The following ACOX3 variants were observed in gnomAD, a reference collection of about 807,000 sequenced individuals.
The protein encoded by ACOX3 is peroxisomal acyl-coenzyme A oxidase 3.
In ACOX3, 73 loss-of-function variants were observed where a neutral mutation model predicts 81.5. The ratio of observed to expected loss-of-function variants is 0.90; its 90% CI spans 0.74 to 1.09. The LOEUF (loss-of-function observed/expected upper bound fraction) is 1.09. Ranked by LOEUF, ACOX3 falls within the 50% of genes least tolerant of loss-of-function variation. The probability of loss-of-function intolerance (pLI) is 0.00; values close to 1 mark genes in which losing one functional copy is unlikely to be tolerated. For synonymous variants in ACOX3, 387 were observed against 375.1 expected (o/e 1.03, Z -0.37); for missense variants, 947 against 928.0 (o/e 1.02, Z -0.27).
Position 8,368,753 on chromosome 4 carries a change from A to G in ACOX3, c.1984-1673T>C, listed in dbSNP as rs1205218359. 6.8e-6 allele frequency among the ~76,000 whole-genome samples: 1 copy of G among 147,318 alleles called. No homozygotes were observed. Among genetic ancestry groups the G allele is most frequent in the African/African-American group, 2.5e-5 (1 of 39,620 alleles). On this transcript the variant is annotated intron_variant, in intron 17 of 17. Coordinates refer to ENST00000356406, the MANE Select transcript of ACOX3 (RefSeq NM_003501.3). The surrounding 1 kb of genome is among the most constrained non-coding windows in gnomAD (Gnocchi z 5.9). Reference sequence around the variant, plus strand: ...CACTTTTTTTTTTTTTTTTGAGATGAGGTCTCACCCTGTTGGCCAGGCTGG... The same window carrying G: ...CACTTTTTTTTTTTTTTTTGAGATGGGGTCTCACCCTGTTGGCCAGGCTGG...
chr4:8,378,502 GGAC>G (rs1019790855), intron 14 of ACOX3, among the ~76,000 whole-genome samples: 3 of 152,086 alleles, frequency 2.0e-5, no homozygotes, highest in African/African-American at 7.2e-5. Context: ...CAGGCTGCGG[GGAC>G]GCCACCACCC....
chr4:8,412,819 C>A (rs572132584), intron 5 of ACOX3, among the ~76,000 whole-genome samples: 6 of 151,980 alleles, frequency 3.9e-5, no homozygotes, highest in African/African-American at 1.5e-4. Context: ...CGCTGCCCTG[C>A]GCCCCTCCAC....
In ACOX3 at chr4:8,416,740, AACACAGATGCCAAGG is replaced by A. The variant is rs1722391711; in HGVS notation, c.-14-220_-14-206del. ...AGAAGAATTCCCTCGTCCACTCCTGAACACAGATGCCAAGGACACAGAAGAGAGCCAGGCACAGCC... is the reference window on the plus strand; with the variant it reads ...AGAAGAATTCCCTCGTCCACTCCTGAACACAGAAGAGAGCCAGGCACAGCC... On this transcript the variant is annotated intron_variant, in intron 1 of 17. Coordinates refer to ENST00000356406, the MANE Select transcript of ACOX3 (RefSeq NM_003501.3). This position sits in a 1 kb window ranked among gnomAD's most constrained non-coding sequence, Gnocchi z 4.2. Among the ~76,000 whole-genome samples, 1 of 152,248 alleles carries A rather than the reference AACACAGATGCCAAGG, an allele frequency of 6.6e-6. No homozygotes were observed. The highest frequency in any genetic ancestry group is 6.5e-5 in the Admixed American group (1 of 15,290).
intron 8 of ACOX3, among the ~76,000 whole-genome samples, chr4:8,397,431 C>G (rs1000283624): frequency 2.0e-5 from 3 of 152,202 alleles, no homozygotes; most frequent in Non-Finnish European, 4.4e-5. Context: ...ACTTGCAAAC[C>G]ATCTGCCTGG....
In ACOX3 at chr4:8,437,092, T is replaced by A. The variant is rs1724292205; in HGVS notation, c.-15+3556A>T. The stretch of plus-strand genomic sequence containing the variant: ...ATATATAGAAATATATACACGTAAA[T>A]ATATATATTTACATATATATGTAAA... On this transcript the variant is annotated intron_variant, in intron 1 of 17. Transcript: ENST00000356406. The surrounding 1 kb of genome is among the most constrained non-coding windows in gnomAD (Gnocchi z 5.2). Among the ~76,000 whole-genome samples the A allele has an allele frequency of 8.0e-6, 1 of 124,452 alleles. No homozygotes were observed. The highest frequency in any genetic ancestry group is 3.2e-5 in the African/African-American group (1 of 30,924). 81.6% of individuals were successfully genotyped at this position (124,452 alleles called of 152,430 possible).
intron 7 of ACOX3, among the ~76,000 whole-genome samples, chr4:8,404,590 T>C (rs1209670661): frequency 1.3e-5 from 2 of 152,138 alleles, no homozygotes; most frequent in Non-Finnish European, 2.9e-5. Flanking sequence ...CAAGCAGAGA[T>C]TTAAGACACT....
In ACOX3 at chr4:8,389,798, T is replaced by C. The variant is rs543543995; in HGVS notation, c.1301-64A>G. Reference sequence around the variant, plus strand: ...ATATTTGAGAAGCAGCCTGTCACTATGTGAGAATTTAAAAAGCCTTAAGAG... The same window carrying C: ...ATATTTGAGAAGCAGCCTGTCACTACGTGAGAATTTAAAAAGCCTTAAGAG... On this transcript the variant is annotated intron_variant, in intron 11 of 17. Coordinates refer to ENST00000356406, the MANE Select transcript of ACOX3 (RefSeq NM_003501.3). The surrounding 1 kb of genome is among the most constrained non-coding windows in gnomAD (Gnocchi z 5.3). The C allele has an allele frequency of 2.5e-4, 403 of 1,594,884 alleles. 6 individuals are homozygous for C. In the South Asian group the frequency reaches 4.2e-3, roughly 17 times the overall value.
At position 8,394,567 on chromosome 4, in the gene ACOX3, T is replaced by G; in HGVS notation, c.1179+53A>C. ...GAAATGAAGGTTGAATCTATGCTGC[T>G]CCAACCGTGTGAGATTTAAACGATG... On this transcript the variant is annotated intron_variant, in intron 10 of 17. Transcript: ENST00000356406. The surrounding 1 kb of genome is among the most constrained non-coding windows in gnomAD (Gnocchi z 5.9). 1 of 1,601,218 alleles carries G rather than the reference T, an allele frequency of 6.2e-7. No homozygotes were observed. The highest frequency in any genetic ancestry group is 8.5e-7 in the Non-Finnish European group (1 of 1,172,878).
chr4:8,409,403 C>T (rs918752627), intron 6 of ACOX3, among the ~76,000 whole-genome samples: 3 of 122,790 alleles, frequency 2.4e-5, no homozygotes, highest in Admixed American at 8.3e-5. Context: ...CTGCGGGATA[C>T]ACTGTGGGTG....
At chr4:8,440,048 T>C (rs62287361) in intron 1 of ACOX3, among the ~76,000 whole-genome samples, 4,184 of 152,370 alleles carry the variant, frequency 0.027, 70 homozygotes, top group South Asian at 0.041. Flanking sequence ...ACTTGTGTTA[T>C]CTGTAAATTC....
In ACOX3 at chr4:8,368,997, A is replaced by G. The variant is rs1319529373; in HGVS notation, c.1983+1911T>C. On this transcript the variant is annotated intron_variant, in intron 17 of 17. Coordinates refer to ENST00000356406, the MANE Select transcript of ACOX3 (RefSeq NM_003501.3). The surrounding 1 kb of genome is among the most constrained non-coding windows in gnomAD (Gnocchi z 5.9). The stretch of plus-strand genomic sequence containing the variant: ...GCTCAGCCAGGAATGCACGTTTAAT[A>G]AACCATCCTGCCAGCGACACCTCCA... Among the ~76,000 whole-genome samples the G allele has an allele frequency of 6.6e-6, 1 of 152,118 alleles. No individual in the cohort carries two copies. The highest frequency in any genetic ancestry group is 1.5e-5 in the Non-Finnish European group (1 of 68,006).
intron 1 of ACOX3, among the ~76,000 whole-genome samples, chr4:8,434,942 G>A (rs920169384): frequency 6.6e-6 from 1 of 152,164 alleles, no homozygotes; most frequent in Non-Finnish European, 1.5e-5. Context: ...TTAGACGAGT[G>A]AGTAACCTTT....
intron 10 of ACOX3, among the ~76,000 whole-genome samples, chr4:8,393,538 A>G (rs9291391): frequency 0.37 from 54,070 of 145,056 alleles, 12,571 homozygotes; most frequent in African/African-American, 0.66. Flanking sequence ...ACTGATTCAG[A>G]GTAAAAGAAG....
Position 8,408,405 on chromosome 4 carries a change from C to T in ACOX3, c.687+1807G>A, listed in dbSNP as rs576058706. Among the ~76,000 whole-genome samples the T allele has an allele frequency of 8.5e-5, 13 of 152,316 alleles. No homozygotes were observed. In the South Asian group the frequency reaches 1.0e-3, roughly 12 times the overall value. Reference sequence around the variant, plus strand: ...CATCCCTCCTTATCAGGCAGGAGGCCGTGGCTCTGGGAGGTGGACTCAGGT... The same window carrying T: ...CATCCCTCCTTATCAGGCAGGAGGCTGTGGCTCTGGGAGGTGGACTCAGGT... On this transcript the variant is annotated intron_variant, in intron 6 of 17. Transcript: ENST00000356406.
intron 11 of ACOX3, among the ~76,000 whole-genome samples, chr4:8,391,128 T>C (rs1718950444): frequency 6.6e-6 from 1 of 152,234 alleles, no homozygotes; most frequent in African/African-American, 2.4e-5. Flanking sequence ...AGATTCAATT[T>C]CCTTATTCAA....
chr4:8,404,888 C>T (rs1017296035), intron 7 of ACOX3, among the ~76,000 whole-genome samples: 16 of 152,094 alleles, frequency 1.1e-4, no homozygotes, highest in African/African-American at 3.1e-4. Context: ...TAAATCATCT[C>T]GTGGGCACAG....
chr4:8,420,828 G>C (rs1487302337), intron 1 of ACOX3, among the ~76,000 whole-genome samples: 1 of 152,196 alleles, frequency 6.6e-6, no homozygotes, highest in African/African-American at 2.4e-5. Flanking sequence ...CTGAGCTTCT[G>C]ATCCAGTGAG....
At chr4:8,363,686 C>T (rs541715242), downstream of ACOX3, among the ~76,000 whole-genome samples, 1 of 152,294 alleles carries the variant, frequency 6.6e-6, no homozygotes, top group Non-Finnish European at 1.5e-5. Flanking sequence ...CATTAAGTCA[C>T]AGGATGAGAT....
rs191732576 is a variant in ACOX3 at position 8,432,348 on chromosome 4, C to A, written c.-15+8300G>T. On this transcript the variant is annotated intron_variant, in intron 1 of 17. Coordinates refer to ENST00000356406, the MANE Select transcript of ACOX3 (RefSeq NM_003501.3). This position sits in a 1 kb window ranked among gnomAD's most constrained non-coding sequence, Gnocchi z 6.2. Reference sequence around the variant, plus strand: ...TCCCGGGTTCAAGCCATTCTCCTGCCTTAGCCTCCCGAGTAGCTGGGACTA... The same window carrying A: ...TCCCGGGTTCAAGCCATTCTCCTGCATTAGCCTCCCGAGTAGCTGGGACTA... 1.6e-4 allele frequency among the ~76,000 whole-genome samples: 24 copies of A among 152,226 alleles called. No individual in the cohort carries two copies. The highest frequency in any genetic ancestry group is 5.1e-4 in the African/African-American group (21 of 41,530).
Sources: gnomAD v4.1 joint callset for allele counts (sites outside exome capture counted in the v4.1 genomes callset) on GRCh38, gnomAD v4.1.1 for gene constraint, Gnocchi (gnomAD v3.1) non-coding constraint, MANE v1.5 for transcripts, NCBI Gene and HGNC (gene_info 2026-07-23, HGNC 2026-07-21) for gene names.